Variants in USB1 observed in about 807,000 individuals in gnomAD.
The protein encoded by USB1 is U6 snRNA biogenesis phosphodiesterase 1, also known as U6 snRNA phosphodiesterase 1.
A neutral mutation model predicts 29.9 loss-of-function variants in USB1; 21 were observed. The observed-to-expected ratio is 0.70, with a 90% CI of 0.50 to 1.01. The LOEUF (loss-of-function observed/expected upper bound fraction) is 1.01. Ranked by LOEUF, USB1 falls within the 50% of genes least tolerant of loss-of-function variation. The pLI is 0.00. For missense variants in USB1, 330 were observed against 347.1 expected, an observed-to-expected ratio of 0.95 and a Z score of 0.39; for synonymous variants, 143 against 134.9, an observed-to-expected ratio of 1.06 and a Z score of -0.42.
chr16:58,014,253 T>G lies in USB1; in HGVS notation c.450-20T>G, dbSNP rs750670731. 5 of 1,604,704 alleles carry G rather than the reference T, an allele frequency of 3.1e-6. No individual in the cohort carries two copies. The highest frequency in any genetic ancestry group is 3.4e-6 in the Non-Finnish European group (4 of 1,172,382). On this transcript the variant is annotated intron_variant, in intron 3 of 6. Transcript: ENST00000219281. ...TTTTTTCTTACGATTTTTCCTGAAATATGGTCTTCTAAATTTCAGATTCTT... is the reference window on the plus strand; with the variant it reads ...TTTTTTCTTACGATTTTTCCTGAAAGATGGTCTTCTAAATTTCAGATTCTT...
chr16:58,012,316 C>G, intron 3 of USB1: 1 of 1,535,432 alleles, frequency 6.5e-7, no homozygotes, highest in South Asian at 1.2e-5. Context: ...CTCTCTTAAC[C>G]ACAGGTGCCA....
chr16:58,014,624 A>T (rs1963573635), intron 4 of USB1, among the ~76,000 whole-genome samples: 1 of 152,146 alleles, frequency 6.6e-6, no homozygotes, highest in Admixed American at 6.5e-5. Context: ...CTCTATGAAA[A>T]ATACAAAAAT....
At chr16:58,019,361 C>T (rs914601581) in intron 6 of USB1, among the ~76,000 whole-genome samples, 2 of 151,910 alleles carry the variant, frequency 1.3e-5, no homozygotes, top group African/African-American at 4.8e-5. Context: ...GGGAGCACTG[C>T]CCTAGAACAC....
intron 3 of USB1, chr16:58,012,217 T>C: frequency 1.3e-6 from 2 of 1,513,876 alleles, no homozygotes; most frequent in Non-Finnish European, 1.8e-6. Context: ...GGCCAGGGAA[T>C]AAGGGCTGAA....
intron 1 of USB1, 34 bp downstream of exon 1, chr16:58,001,615 C>G: frequency 6.4e-7 from 1 of 1,574,262 alleles, no homozygotes; most frequent in Non-Finnish European, 8.6e-7. Context: ...GGAGGGCGCG[C>G]GCATTCACCC....
At chr16:58,000,707 G>A (rs1159526005), upstream of USB1, among the ~76,000 whole-genome samples, 1 of 150,558 alleles carries the variant, frequency 6.6e-6, no homozygotes, top group Admixed American at 6.6e-5. The surrounding 1 kb of genome is among the most constrained non-coding windows in gnomAD (Gnocchi z 4.5). Context: ...AGGGAGGCGG[G>A]GCCGGGGGAG....
intron 3 of USB1, among the ~76,000 whole-genome samples, chr16:58,010,407 A>C (rs1157221622): frequency 1.3e-5 from 2 of 152,060 alleles, no homozygotes; most frequent in African/African-American, 4.8e-5. Flanking sequence ...TTTTTTCCAC[A>C]CCAACAAATT....
rs1481227949 is a variant in USB1 at position 58,010,028 on chromosome 16, G to C, written c.365G>C (p.Ser122Thr). The part of the protein sequence containing the change: ...RLVRMKVFHL[S>T]LSQSVVLRHH... Reference sequence around the variant, plus strand: ...GTAAGGATGAAGGTGTTCCACCTCAGCCTGTCCCAGAGTGTGGTTCTGCGC... The same window carrying C: ...GTAAGGATGAAGGTGTTCCACCTCACCCTGTCCCAGAGTGTGGTTCTGCGC... Residue 122 changes from serine to threonine, a missense_variant, in exon 3 of 7, where the codon AGC becomes ACC. Transcript: ENST00000219281. 2 of 1,614,112 alleles carry C rather than the reference G, an allele frequency of 1.2e-6. No individual in the cohort carries two copies. Among genetic ancestry groups the C allele is most frequent in the Non-Finnish European group, 1.7e-6 (2 of 1,180,024 alleles).
chr16:58,007,788 G>A (rs1358395137), intron 2 of USB1, among the ~76,000 whole-genome samples: 1 of 152,106 alleles, frequency 6.6e-6, no homozygotes, highest in Non-Finnish European at 1.5e-5. Flanking sequence ...AGACCAGCCT[G>A]GGCAACATGG....
At chr16:58,011,261 T>C (rs192949662) in intron 3 of USB1, 2 of 1,452,286 alleles carry the variant, frequency 1.4e-6, no homozygotes, top group Non-Finnish European at 1.8e-6. Flanking sequence ...AAACAGGTCA[T>C]GGTAATGGTG....
In USB1 at chr16:58,014,314, A is replaced by G; in HGVS notation, c.491A>G (p.Gln164Arg). 1 of 1,613,920 alleles carries G rather than the reference A, an allele frequency of 6.2e-7. No individual in the cohort carries two copies. Among genetic ancestry groups the G allele is most frequent in the Non-Finnish European group, 8.5e-7 (1 of 1,179,776 alleles). ...TANQVKIYTN[Q>R]EKTRTFIGLE... is the part of the protein sequence containing the mutation. ...AACCAGGTAAAGATTTACACCAATC[A>G]AGAGAAAACCAGGTGGGTCCTCCCA... Residue 164 changes from glutamine (Q) to arginine (R), a missense_variant, in exon 4 of 7, where the codon CAA (glutamine) becomes CGA (arginine). Transcript: ENST00000219281.
In USB1 at chr16:58,018,912, G is replaced by A. The variant is rs979743710; in HGVS notation, c.610-60G>A. On this transcript the variant is annotated intron_variant, in intron 5 of 6. Transcript: ENST00000219281. ...ACGACAGCTCTGTCACAGACCTGCT[G>A]TGAGGGCAGGGCCTGCCAAGGCGTC... is the stretch of plus-strand genomic sequence containing the variant. The A allele has an allele frequency of 3.8e-5, 59 of 1,552,826 alleles. No homozygotes were observed. The South Asian group carries it at 6.1e-4, about 16-fold the overall frequency.
chr16:58,017,485 G>A lies in USB1; in HGVS notation c.609+46G>A, dbSNP rs372018883. The A allele has an allele frequency of 5.8e-6, 9 of 1,553,728 alleles. No homozygotes were observed. The African/African-American group carries it at 1.1e-4, about 19-fold the overall frequency. On this transcript the variant is annotated intron_variant, in intron 5 of 6. Transcript: ENST00000219281. ...TTCTCCATTGACCCATTTCTAATGA[G>A]AATAAAACTGTCTTTAAAGAAGCCC...
At chr16:58,000,782 C>G (rs1963162352), upstream of USB1, among the ~76,000 whole-genome samples, 1 of 151,998 alleles carries the variant, frequency 6.6e-6, no homozygotes. This position sits in a 1 kb window ranked among gnomAD's most constrained non-coding sequence, Gnocchi z 4.5. Context: ...GAGGCCGCCC[C>G]CTGCCGGGGA....
upstream of USB1, among the ~76,000 whole-genome samples, chr16:58,000,144 C>CCCTCGT (rs1464954652): frequency 6.6e-6 from 1 of 152,174 alleles, no homozygotes; most frequent in Non-Finnish European, 1.5e-5. The surrounding 1 kb of genome is among the most constrained non-coding windows in gnomAD (Gnocchi z 4.5). Flanking sequence ...GTCCTGTCAG[C>CCCTCGT]CCTCGTCCGG....
intron 2 of USB1, among the ~76,000 whole-genome samples, chr16:58,005,193 C>G (rs1963322315): frequency 6.6e-6 from 1 of 152,176 alleles, no homozygotes; most frequent in Non-Finnish European, 1.5e-5. Context: ...CACTGAAGCA[C>G]AGCATCACAG....
At chr16:58,005,501 A>G (rs1963329614) in intron 2 of USB1, among the ~76,000 whole-genome samples, 2 of 152,178 alleles carry the variant, frequency 1.3e-5, no homozygotes, top group Admixed American at 1.3e-4. Flanking sequence ...ACTTCTCACT[A>G]TGTCCCCTCA....
intron 3 of USB1, 73 bp downstream of exon 3, chr16:58,010,185 G>T: frequency 5.7e-6 from 9 of 1,582,966 alleles, no homozygotes; most frequent in Non-Finnish European, 7.8e-6. Context: ...AGCTACTGCG[G>T]GCATTACCCC....
chr16:58,012,340 GA>G, intron 3 of USB1: 1 of 1,534,788 alleles, frequency 6.5e-7, no homozygotes, highest in Non-Finnish European at 8.7e-7. Flanking sequence ...GCCCATGCCA[GA>G]AGCCCAACCC....
Sources: allele counts gnomAD v4.1 joint callset (sites outside exome capture counted in the v4.1 genomes callset), GRCh38; gene constraint gnomAD v4.1.1; non-coding constraint Gnocchi (gnomAD v3.1); transcripts MANE v1.5; gene names NCBI Gene and HGNC (gene_info 2026-07-23, HGNC 2026-07-21).